The following ABCB7 variants were observed in gnomAD, a reference collection of about 807,000 sequenced individuals.
The protein encoded by ABCB7 is ATP binding cassette subfamily B member 7.
In ABCB7, 7 loss-of-function variants were observed where a neutral mutation model predicts 54.4. That is an observed-to-expected ratio of 0.13 (90% CI 0.07 to 0.24). ABCB7 has a LOEUF of 0.24. ABCB7 is among the 10% of genes least tolerant of loss of function. The probability of loss-of-function intolerance (pLI) is 1.00; values close to 1 mark genes in which losing one functional copy is unlikely to be tolerated. For missense variants in ABCB7, 356 were observed against 570.4 expected (o/e 0.62, Z 3.83); for synonymous variants, 218 against 207.1 (o/e 1.05, Z -0.45).
At chrX:75,142,957 G>A (rs766336458) in intron 1 of ABCB7, among the ~76,000 whole-genome samples, 1 of 112,238 alleles carries the variant, frequency 8.9e-6, no homozygotes, top group African/African-American at 3.2e-5. Flanking sequence ...GTATTAGGTG[G>A]TGATAAACTC....
rs10626282 is a variant in ABCB7 at position 75,153,756 on chromosome X, G to GTATATATATATATATA, written c.168+2348_168+2349insTATATATATATATATA. Among the ~76,000 whole-genome samples the GTATATATATATATATA allele has an allele frequency of 1.1e-3, 97 of 91,858 alleles. 1 individual carries two copies. Among genetic ancestry groups the GTATATATATATATATA allele is most frequent in the South Asian group, 4.4e-3 (8 of 1,818 alleles). The allele number at this position is 91,858 out of a possible 115,157, so 79.8% of individuals were successfully genotyped here. On this transcript the variant is annotated intron_variant, in intron 1 of 15. Transcript: ENST00000373394. ...TGTGTGTGTGTGTGTGCGTGTGTGT[G>GTATATATATATATATA]TGTGTATATATATATATAAAATATA...
At chrX:75,061,020 T>C (rs2081278716) in intron 14 of ABCB7, among the ~76,000 whole-genome samples, 1 of 111,645 alleles carries the variant, frequency 9.0e-6, no homozygotes, top group South Asian at 3.7e-4. Context: ...TATACCCAAA[T>C]TTCCTACAGA....
At chrX:75,112,744 T>G in intron 3 of ABCB7, 142 bp downstream of exon 3, 2 of 434,950 alleles carry the variant, frequency 4.6e-6, no homozygotes, top group Non-Finnish European at 7.8e-6. Context: ...TATGGTCAAT[T>G]AATATGTTTT....
intron 3 of ABCB7, among the ~76,000 whole-genome samples, chrX:75,112,401 A>T (rs1007552602): frequency 4.5e-5 from 5 of 111,624 alleles, no homozygotes; most frequent in Non-Finnish European, 9.4e-5. Context: ...CAACAGCCCT[A>T]CTGCTTAGCA....
At chrX:75,066,925 T>C (rs980984098) in intron 12 of ABCB7, among the ~76,000 whole-genome samples, 2 of 111,930 alleles carry the variant, frequency 1.8e-5, no homozygotes, top group East Asian at 2.8e-4. Flanking sequence ...AACCATCTAC[T>C]TACTGTTGGA....
intron 3 of ABCB7, among the ~76,000 whole-genome samples, chrX:75,104,803 C>T (rs1369520388): frequency 9.0e-6 from 1 of 111,502 alleles, no homozygotes; most frequent in Non-Finnish European, 1.9e-5. Flanking sequence ...AAATCCTCAA[C>T]AAAGTATCAG....
chrX:75,069,051 C>T lies in ABCB7; in HGVS notation c.1615G>A (p.Val539Met). The change falls in exon 12 of 16, where the codon GTG (valine) becomes ATG (methionine). Residue 539 changes from valine to methionine, a missense_variant. Physicochemically the swap from Val to Met is conservative, Grantham distance 21. This residue lies in a region of ABCB7 where 241 missense variants were observed against 470.9 expected (regional missense o/e 0.51). Coordinates refer to ENST00000373394, the MANE Select transcript of ABCB7 (RefSeq NM_001271696.3). ...GCCCTCCGAAGGCTTTCCAGGCTCA[C>T]ATCTTGTATATTTTGACCAGCAAGA... ...IYLAGQNIQDVSLESLRRAVG... is the reference protein window; with the variant it reads ...IYLAGQNIQDMSLESLRRAVG... 1 of 1,210,241 alleles carries T rather than the reference C, an allele frequency of 8.3e-7. No individual in the cohort carries two copies. The highest frequency in any genetic ancestry group is 1.1e-6 in the Non-Finnish European group (1 of 894,266).
rs1168366263 is a variant in ABCB7, at chrX:75,070,373, G to C, written c.1357C>G (p.Gln453Glu). The change falls in exon 10 of 16, where the codon CAA (glutamine) becomes GAA (glutamate). Residue 453 changes from glutamine (Q) to glutamate (E), a missense_variant. Around this residue, in one of 2 missense-constraint regions of ABCB7, gnomAD observed 241 missense variants for 470.9 expected, o/e 0.51. Transcript: ENST00000373394. ...TLFTLLKVDT[Q>E]IKDKVMASPL... is the part of the protein sequence containing the mutation. The stretch of plus-strand genomic sequence containing the variant: ...CTATATAGATTACTTACTTTAATTT[G>C]GGTGTCTACCTTGAGTAGAGTAAAC... The C allele has an allele frequency of 8.3e-7, 1 of 1,205,194 alleles. No individual in the cohort carries two copies. Among genetic ancestry groups the C allele is most frequent in the Non-Finnish European group, 1.1e-6 (1 of 891,792 alleles).
chrX:75,146,577 C>T (rs2082092446), intron 1 of ABCB7, among the ~76,000 whole-genome samples: 1 of 111,680 alleles, frequency 9.0e-6, no homozygotes, highest in South Asian at 3.8e-4. Context: ...GGAAAGGAGT[C>T]CTTATTCAAT....
intron 8 of ABCB7, among the ~76,000 whole-genome samples, chrX:75,073,318 G>A (rs2081380084): frequency 8.9e-6 from 1 of 111,801 alleles, no homozygotes. Context: ...AAACACATGA[G>A]TAATAGAGTA....
intron 12 of ABCB7, among the ~76,000 whole-genome samples, chrX:75,067,295 G>A (rs944105062): frequency 5.1e-4 from 57 of 111,073 alleles, no homozygotes; most frequent in African/African-American, 1.7e-3. Flanking sequence ...AGAGTCTTTC[G>A]TTTACTGATG....
intron 1 of ABCB7, among the ~76,000 whole-genome samples, chrX:75,119,432 A>C (rs2081854502): frequency 8.9e-6 from 1 of 112,482 alleles, no homozygotes; most frequent in Non-Finnish European, 1.9e-5. Flanking sequence ...TGAACACTGG[A>C]ATAAAAGTAC....
At chrX:75,102,334 C>T (rs998380250) in intron 3 of ABCB7, among the ~76,000 whole-genome samples, 1 of 110,935 alleles carries the variant, frequency 9.0e-6, no homozygotes, top group African/African-American at 3.3e-5. Flanking sequence ...CTCTATCCCC[C>T]ACTCCTAACC....
chrX:75,108,784 A>C, intron 3 of ABCB7, among the ~76,000 whole-genome samples: 1 of 111,565 alleles, frequency 9.0e-6, no homozygotes, highest in Middle Eastern at 4.6e-3. Flanking sequence ...AGAAAAAGAA[A>C]CTTGACTGAT....
Position 75,156,156 on chromosome X carries a change from C to T in ABCB7, c.117G>A (p.Pro39=). The stretch of plus-strand genomic sequence containing the variant: ...CGCCGAGTTGATGTGGCCTCCACTG[C>T]GGACCTGAGCCGCTAACAGAGACTA... ...RPLVSVSGSG[P]QWRPHQLGAL... Residue 39 remains proline, a synonymous_variant, in exon 1 of 16, where the codon CCG becomes CCA. Coordinates refer to ENST00000373394, the MANE Select transcript of ABCB7 (RefSeq NM_001271696.3). The T allele has an allele frequency of 8.3e-7, 1 of 1,208,188 alleles. No individual in the cohort carries two copies. Among genetic ancestry groups the T allele is most frequent in the Non-Finnish European group, 1.1e-6 (1 of 893,823 alleles).
At chrX:75,144,853 A>G (rs373431176) in intron 1 of ABCB7, among the ~76,000 whole-genome samples, 1 of 111,328 alleles carries the variant, frequency 9.0e-6, no homozygotes, top group African/African-American at 3.3e-5. Context: ...CAATTCCGCA[A>G]TGAAGTAACA....
intron 3 of ABCB7, among the ~76,000 whole-genome samples, chrX:75,107,301 G>C (rs1258024959): frequency 3.6e-5 from 4 of 111,329 alleles, no homozygotes; most frequent in African/African-American, 1.3e-4. Flanking sequence ...TAACCGGTGA[G>C]CCCTAGTACC....
intron 12 of ABCB7, 52 bp downstream of exon 12, chrX:75,068,955 T>C: frequency 8.6e-7 from 1 of 1,165,722 alleles, no homozygotes; most frequent in Non-Finnish European, 1.2e-6. Context: ...AGTTACGGAT[T>C]GATCAACCCA....
chrX:75,069,789 G>C (rs1342875796), intron 10 of ABCB7, among the ~76,000 whole-genome samples: 1 of 111,469 alleles, frequency 9.0e-6, no homozygotes, highest in Non-Finnish European at 1.9e-5. Flanking sequence ...AGTAAATTCA[G>C]TGTAAGTACA....
Sources: gnomAD v4.1 joint callset for allele counts (sites outside exome capture counted in the v4.1 genomes callset) on GRCh38, gnomAD v4.1.1 for gene constraint, gnomAD v4.1.1 regional missense constraint, MANE v1.5 for transcripts, NCBI Gene and HGNC (gene_info 2026-07-23, HGNC 2026-07-21) for gene names.